ADCK5: variants seen among roughly 807,000 people sequenced by gnomAD.
ADCK5 encodes the protein uncharacterized aarF domain-containing protein kinase 5.
A neutral mutation model predicts 64.9 loss-of-function variants in ADCK5; 43 were observed. That is an observed-to-expected ratio of 0.66 (90% CI 0.52 to 0.85). The LOEUF is 0.85. Ranked by LOEUF, ADCK5 falls within the 40% of genes least tolerant of loss-of-function variation. The pLI is 0.00. For missense variants in ADCK5, 760 were observed against 810.5 expected (o/e 0.94, Z 0.76); for synonymous variants, 434 against 342.8 (o/e 1.27, Z -2.94).
chr8:144,392,478 G>T lies in ADCK5; in HGVS notation c.1301G>T (p.Arg434Leu), dbSNP rs782560296. The change falls in exon 13 of 15, where the codon CGC becomes CTC. Residue 434 changes from arginine to leucine, a missense_variant. Transcript: ENST00000308860. ...CTGTTCGCCGAGATGCTCATGCAGC[G>T]CCCCGTGCGCCTGGGGCAGCTGTGG... ...YLLFAEMLMQ[R>L]PVRLGQLWGS... The T allele has an allele frequency of 7.5e-7, 1 of 1,337,692 alleles. No homozygotes were observed. 82.9% of individuals were successfully genotyped at this position (1,337,692 alleles called of 1,614,324 possible).
intron 2 of ADCK5, among the ~76,000 whole-genome samples, chr8:144,379,959 G>T (rs1278478311): frequency 2.0e-5 from 3 of 152,208 alleles, no homozygotes; most frequent in African/African-American, 7.2e-5. Flanking sequence ...GGCCGTGGAG[G>T]GTAGATGTGG....
chr8:144,392,660 G>A lies in ADCK5; in HGVS notation c.1483G>A (p.Gly495Ser), dbSNP rs1021197375. 1 of 1,594,178 alleles carries A rather than the reference G, an allele frequency of 6.3e-7. No individual in the cohort carries two copies. Among genetic ancestry groups the A allele is most frequent in the Non-Finnish European group, 8.5e-7 (1 of 1,172,052 alleles). ...CGTGCGCGCTATCAACGTGGCCCTC[G>A]GCGCCCCCGTGGACCGCTACTTCCT... ...NTVRAINVALGAPVDRYFLMA... is the reference protein window; with the variant it reads ...NTVRAINVALSAPVDRYFLMA... The change falls in exon 13 of 15, where the codon GGC becomes AGC. Residue 495 changes from glycine to serine, a missense_variant. Gly to Ser is a moderately conservative substitution (Grantham distance 56, BLOSUM62 0). Around this residue, in one of 2 missense-constraint regions of ADCK5, gnomAD observed 333 missense variants for 292.0 expected, o/e 1.14. Coordinates refer to ENST00000308860, the MANE Select transcript of ADCK5 (RefSeq NM_174922.5).
intron 2 of ADCK5, 21 bp downstream of exon 2, chr8:144,379,511 A>G (rs1819508676): frequency 6.4e-7 from 1 of 1,557,062 alleles, no homozygotes; most frequent in Non-Finnish European, 8.8e-7. Context: ...CTCCACGGGC[A>G]TGCGCCTCTC....
chr8:144,391,877 G>T lies in ADCK5; in HGVS notation c.1014+11G>T. On this transcript the variant is annotated intron_variant, in intron 9 of 14. Transcript: ENST00000308860. ...CTGGCAGTGCATGACGTGAGTGCGGGGGGGCGGGGGCGGGTCAGGGCGGGC... is the reference window on the plus strand; with the variant it reads ...CTGGCAGTGCATGACGTGAGTGCGGTGGGGCGGGGGCGGGTCAGGGCGGGC... 6.3e-7 allele frequency: 1 copy of T among 1,593,764 alleles called. No individual in the cohort carries two copies. Among genetic ancestry groups the T allele is most frequent in the Non-Finnish European group, 8.5e-7 (1 of 1,173,292 alleles).
chr8:144,392,412 GC>G, intron 12 of ADCK5, 32 bp from the exon 13 acceptor site: 1 of 1,475,036 alleles, frequency 6.8e-7, no homozygotes, highest in Non-Finnish European at 9.0e-7. Flanking sequence ...CCCACTCAGA[GC>G]CCCCTCCCTC....
In ADCK5 at chr8:144,390,685, G is replaced by T; in HGVS notation, c.281G>T (p.Gly94Val). The T allele has an allele frequency of 6.2e-7, 1 of 1,613,714 alleles. No homozygotes were observed. Among genetic ancestry groups the T allele is most frequent in the Non-Finnish European group, 8.5e-7 (1 of 1,179,980 alleles). ...MGRFGRSLKV[G>V]LQISLDYWWC... Reference sequence around the variant, plus strand: ...TCTGCCCGCAGGTCTCTGAAGGTCGGCCTGCAGATCTCCCTGGACTACTGG... The same window carrying T: ...TCTGCCCGCAGGTCTCTGAAGGTCGTCCTGCAGATCTCCCTGGACTACTGG... The change falls in exon 4 of 15, where the codon GGC (glycine) becomes GTC (valine). Residue 94 changes from glycine (G) to valine (V), a missense_variant. Gly to Val is a moderately radical substitution (Grantham distance 109). Transcript: ENST00000308860.
intron 2 of ADCK5, among the ~76,000 whole-genome samples, chr8:144,382,814 T>C (rs1325388400): frequency 1.3e-5 from 2 of 152,248 alleles, no homozygotes; most frequent in East Asian, 3.8e-4. Flanking sequence ...GCCATTTCCA[T>C]GTCCCATGGC....
chr8:144,382,737 C>G (rs1362110315), intron 2 of ADCK5, among the ~76,000 whole-genome samples: 2 of 152,210 alleles, frequency 1.3e-5, no homozygotes, highest in Admixed American at 6.5e-5. Flanking sequence ...TGATTCTCCA[C>G]AGTGTAGGAG....
intron 1 of ADCK5, chr8:144,375,709 GGAGGTGTTTCC>G: frequency 2.0e-5 from 19 of 963,242 alleles, no homozygotes; most frequent in Non-Finnish European, 2.3e-5. Flanking sequence ...CTCTGGAACG[GGAGGTGTTTCC>G]GTTTGTGCAG....
intron 11 of ADCK5, 36 bp downstream of exon 11, chr8:144,392,206 C>T (rs1036720989): frequency 1.3e-6 from 2 of 1,548,492 alleles, no homozygotes; most frequent in Non-Finnish European, 1.7e-6. Flanking sequence ...GCAGGGCAAG[C>T]CTCTCCTGCC....
intron 1 of ADCK5, 28 bp from the exon 2 acceptor site, chr8:144,379,359 G>T: frequency 6.4e-7 from 1 of 1,560,504 alleles, no homozygotes; most frequent in South Asian, 1.2e-5. Flanking sequence ...GGCCTCGTTC[G>T]ACCCCACACA....
chr8:144,383,497 C>A (rs567043073), intron 3 of ADCK5, among the ~76,000 whole-genome samples: 2 of 152,186 alleles, frequency 1.3e-5, no homozygotes, highest in Non-Finnish European at 1.5e-5. Context: ...ACAGGCCCTT[C>A]CCTAGTTCAG....
chr8:144,391,660 G>A lies in ADCK5; in HGVS notation c.879G>A (p.Ala293=), dbSNP rs1820236321. The A allele has an allele frequency of 9.7e-6, 15 of 1,545,878 alleles. No individual in the cohort carries two copies. The highest frequency in any genetic ancestry group is 1.2e-5 in the Non-Finnish European group (14 of 1,149,766). Residue 293 remains alanine, a synonymous_variant, in exon 8 of 15, where the codon GCG becomes GCA. Coordinates refer to ENST00000308860, the MANE Select transcript of ADCK5 (RefSeq NM_174922.5). ...RNAERCAREL[A]HFPYVVVPRV... Reference sequence around the variant, plus strand: ...CAGAGCGCTGTGCGCGGGAGCTGGCGCACTTCCCCTACGTCGTGGTGCCCC... The same window carrying A: ...CAGAGCGCTGTGCGCGGGAGCTGGCACACTTCCCCTACGTCGTGGTGCCCC...
Position 144,384,059 on chromosome 8 carries a change from ATTATTTAT to A in ADCK5, c.266+849_266+856del, listed in dbSNP as rs539772134. On this transcript the variant is annotated intron_variant, in intron 3 of 14. Coordinates refer to ENST00000308860, the MANE Select transcript of ADCK5 (RefSeq NM_174922.5). The surrounding 1 kb of genome is among the most constrained non-coding windows in gnomAD (Gnocchi z 5.7). ...GGTGCCCACCACCATGCCTGGCTAA[ATTATTTAT>A]TTATTTATTTATTTATTTAGTATTT... Among the ~76,000 whole-genome samples the A allele has an allele frequency of 2.8e-4, 42 of 151,444 alleles. No homozygotes were observed. Among genetic ancestry groups the A allele is most frequent in the Non-Finnish European group, 4.3e-4 (29 of 67,866 alleles).
At chr8:144,385,346 G>A (rs1564672146) in intron 3 of ADCK5, among the ~76,000 whole-genome samples, 1 of 151,616 alleles carries the variant, frequency 6.6e-6, no homozygotes, top group Non-Finnish European at 1.5e-5. Flanking sequence ...ACCACGCCCG[G>A]CTAGTTTTTG....
In ADCK5 at chr8:144,387,921, C is replaced by T. The variant is rs189655575; in HGVS notation, c.267-2750C>T. 5.0e-3 allele frequency among the ~76,000 whole-genome samples: 751 copies of T among 150,178 alleles called. 1 individual carries two copies. The highest frequency in any genetic ancestry group is 0.018 in the South Asian group (86 of 4,716). Reference sequence around the variant, plus strand: ...CTAATTTTGTATTTTTTAGTAGAGGCGGGTTTCTCTGTGTTGGTCAGACTG... The same window carrying T: ...CTAATTTTGTATTTTTTAGTAGAGGTGGGTTTCTCTGTGTTGGTCAGACTG... On this transcript the variant is annotated intron_variant, in intron 3 of 14. Transcript: ENST00000308860.
At chr8:144,388,570 C>G (rs1820038834) in intron 3 of ADCK5, among the ~76,000 whole-genome samples, 1 of 151,970 alleles carries the variant, frequency 6.6e-6, no homozygotes, top group South Asian at 2.1e-4. Flanking sequence ...CGAGACCATC[C>G]TGGCCAACAC....
In ADCK5 at chr8:144,385,881, G is replaced by A. The variant is rs1254845475; in HGVS notation, c.266+2651G>A. ...TGGGAGGCTGAGGCAGGAGAATGGC[G>A]TGAACCCGGGAGGCGGAGCTTGCAG... On this transcript the variant is annotated intron_variant, in intron 3 of 14. Coordinates refer to ENST00000308860, the MANE Select transcript of ADCK5 (RefSeq NM_174922.5). 5.6e-5 allele frequency among the ~76,000 whole-genome samples: 8 copies of A among 141,954 alleles called. No homozygotes were observed. The East Asian group carries it at 9.4e-4, about 17-fold the overall frequency. 93.1% of individuals were successfully genotyped at this position (141,954 alleles called of 152,430 possible). A position where few individuals can be genotyped will look rare whatever the true frequency, so the allele number is the denominator to read the frequency against.
At position 144,390,482 on chromosome 8, in the gene ADCK5, C is replaced by G. The variant is rs374536416; in HGVS notation, c.267-189C>G. On this transcript the variant is annotated intron_variant, in intron 3 of 14. Transcript: ENST00000308860. The stretch of plus-strand genomic sequence containing the variant: ...ACCTGCAGGGCCACAGGACACCCCA[C>G]GAGCTCAGCAGCACCCCTTGTGCTC... 1.8e-4 allele frequency among the ~76,000 whole-genome samples: 27 copies of G among 152,326 alleles called. No individual in the cohort carries two copies. The East Asian group carries it at 2.3e-3, about 13-fold the overall frequency.
Sources: allele counts gnomAD v4.1 joint callset (sites outside exome capture counted in the v4.1 genomes callset), GRCh38; gene constraint gnomAD v4.1.1; regional missense constraint gnomAD v4.1.1; non-coding constraint Gnocchi (gnomAD v3.1); transcripts MANE v1.5; gene names NCBI Gene and HGNC (gene_info 2026-07-23, HGNC 2026-07-21).